The following DMGDH variants were observed in gnomAD, a reference collection of about 807,000 sequenced individuals.
DMGDH encodes dimethylglycine dehydrogenase, also known as dimethylglycine dehydrogenase, mitochondrial.
A neutral mutation model predicts 95.2 loss-of-function variants in DMGDH; 76 were observed. The observed-to-expected ratio is 0.80, with a 90% CI of 0.66 to 0.97. The LOEUF (loss-of-function observed/expected upper bound fraction) is 0.97, where lower values mean the gene tolerates loss of function less well. Among genes scored for constraint, DMGDH ranks in the 50% least tolerant of loss-of-function variants. The pLI is 0.00. For synonymous variants in DMGDH, 345 were observed against 377.6 expected, an observed-to-expected ratio of 0.91 and a Z score of 1.00; for missense variants, 987 against 1,055.0, an observed-to-expected ratio of 0.94 and a Z score of 0.89.
At chr5:79,016,029 G>A (rs187826628) in intron 14 of DMGDH, among the ~76,000 whole-genome samples, 66 of 151,778 alleles carry the variant, frequency 4.3e-4, no homozygotes, top group South Asian at 1.0e-3. Context: ...AGAATATAAG[G>A]CAAGCCCATC....
chr5:79,069,505 C>A lies in DMGDH; in HGVS notation c.101+15G>T. 1 of 1,271,348 alleles carries A rather than the reference C, an allele frequency of 7.9e-7. No individual in the cohort carries two copies. The allele number at this position is 1,271,348 out of a possible 1,614,324, so 78.8% of individuals were successfully genotyped here. On this transcript the variant is annotated intron_variant, in intron 1 of 15. Transcript: ENST00000255189. ...GCCGCCCCGTCGCCTCTGAGCAGGACGGGGCCCCACTCACCCTTCCCGGCC... is the reference window on the plus strand; with the variant it reads ...GCCGCCCCGTCGCCTCTGAGCAGGAAGGGGCCCCACTCACCCTTCCCGGCC...
chr5:79,047,381 C>T (rs561908588), intron 5 of DMGDH, among the ~76,000 whole-genome samples: 1 of 152,256 alleles, frequency 6.6e-6, no homozygotes, highest in African/African-American at 2.4e-5. Context: ...CATGCTTTGA[C>T]GCAGAGTATC....
chr5:79,030,070 C>T (rs763948105), intron 10 of DMGDH, 36 bp from the exon 11 acceptor site: 1 of 1,574,874 alleles, frequency 6.3e-7, no homozygotes, highest in Non-Finnish European at 8.7e-7. Flanking sequence ...TTAGGATGAA[C>T]TAAAAATCAC....
intron 11 of DMGDH, 136 bp downstream of exon 11, chr5:79,029,768 A>G: frequency 1.0e-6 from 1 of 962,108 alleles, no homozygotes; most frequent in Non-Finnish European, 1.5e-6. Flanking sequence ...ATTAAAAAAA[A>G]TAAAGTTTAT....
intron 14 of DMGDH, among the ~76,000 whole-genome samples, chr5:79,018,643 C>CT (rs1753794155): frequency 6.6e-6 from 1 of 151,938 alleles, no homozygotes; most frequent in African/African-American, 2.4e-5. Flanking sequence ...TATCAAATTG[C>CT]TTACTTTAAA....
chr5:79,024,146 G>A (rs1395618900), intron 14 of DMGDH, 125 bp downstream of exon 14: 3 of 833,838 alleles, frequency 3.6e-6, no homozygotes, highest in Non-Finnish European at 6.1e-6. Context: ...AGCAATGCTA[G>A]TATTTATGTT....
chr5:79,068,055 C>A (rs1755431772), intron 1 of DMGDH, among the ~76,000 whole-genome samples: 1 of 152,100 alleles, frequency 6.6e-6, no homozygotes, highest in South Asian at 2.1e-4. Context: ...GCAGCTTGGA[C>A]TACAGGTGCA....
chr5:78,998,147 G>T lies in DMGDH; in HGVS notation c.2536C>A (p.Pro846Thr). The T allele has an allele frequency of 6.2e-7, 1 of 1,614,158 alleles. No homozygotes were observed. The highest frequency in any genetic ancestry group is 1.3e-5 in the African/African-American group (1 of 75,024). Residue 846 changes from proline (P) to threonine (T), a missense_variant, in exon 16 of 16, where the codon CCT becomes ACT. Transcript: ENST00000255189. ...CTGGTTGGTTCGGTCAATACCAAAGGTTCTTGTATGATGACTGCTGGGTAA... is the reference window on the plus strand; with the variant it reads ...CTGGTTGGTTCGGTCAATACCAAAGTTTCTTGTATGATGACTGCTGGGTAA... ...KNYPAVIIQEPLVLTEPTRNR... is the reference protein window; with the variant it reads ...KNYPAVIIQETLVLTEPTRNR...
chr5:79,028,314 G>A lies in DMGDH; in HGVS notation c.2032+119C>T, dbSNP rs557404578. 24 of 848,924 alleles carry A rather than the reference G, an allele frequency of 2.8e-5. No individual in the cohort carries two copies. The South Asian group carries it at 3.6e-4, about 13-fold the overall frequency. 52.6% of individuals were successfully genotyped at this position (848,924 alleles called of 1,614,324 possible). On this transcript the variant is annotated intron_variant, in intron 12 of 15. Coordinates refer to ENST00000255189, the MANE Select transcript of DMGDH (RefSeq NM_013391.3). The stretch of plus-strand genomic sequence containing the variant: ...CGCATGGACAAAAGTGAGTGTGAGT[G>A]TGCACATGCATACACACTCACACAT...
chr5:79,053,328 T>TTG (rs776043949), intron 4 of DMGDH, among the ~76,000 whole-genome samples: 1 of 151,372 alleles, frequency 6.6e-6, no homozygotes, highest in African/African-American at 2.4e-5. Flanking sequence ...TCAGTTAATT[T>TTG]TGTGTGTGTG....
At chr5:79,032,459 C>T (rs1754205485) in intron 9 of DMGDH, among the ~76,000 whole-genome samples, 2 of 152,160 alleles carry the variant, frequency 1.3e-5, no homozygotes, top group Admixed American at 1.3e-4. Flanking sequence ...GAGGCTTCAC[C>T]AAGGCTGGCT....
intron 7 of DMGDH, 120 bp downstream of exon 7, chr5:79,042,163 T>A (rs1754527189): frequency 1.1e-5 from 11 of 965,372 alleles, no homozygotes; most frequent in Non-Finnish European, 1.8e-5. Flanking sequence ...TCTCTCTCTG[T>A]TTCTCTTTCT....
At chr5:79,044,221 C>T in intron 6 of DMGDH, 83 bp downstream of exon 6, 1 of 1,596,438 alleles carries the variant, frequency 6.3e-7, no homozygotes, top group Non-Finnish European at 8.6e-7. Flanking sequence ...ATGTTGTTGT[C>T]TTATTCTACA....
intron 14 of DMGDH, among the ~76,000 whole-genome samples, chr5:79,017,484 A>G (rs1207688261): frequency 6.6e-6 from 1 of 152,216 alleles, no homozygotes; most frequent in Admixed American, 6.5e-5. Context: ...TAGAATAGCT[A>G]AAGTTAAAAA....
At chr5:79,003,968 A>AAATAAATAAATAAATAAATAT (rs1214230307) in intron 15 of DMGDH, among the ~76,000 whole-genome samples, 29 of 152,030 alleles carry the variant, frequency 1.9e-4, no homozygotes, top group African/African-American at 6.8e-4. Flanking sequence ...ATAAATAAAT[A>AAATAAATAAATAAATAAATAT]AAAATAAAAT....
At chr5:79,058,247 T>G (rs1381849931) in intron 2 of DMGDH, among the ~76,000 whole-genome samples, 2 of 152,216 alleles carry the variant, frequency 1.3e-5, no homozygotes, top group African/African-American at 4.8e-5. Context: ...ACCCTTTCTT[T>G]TATATATTGG....
At chr5:78,998,660 G>A (rs189960390) in intron 15 of DMGDH, among the ~76,000 whole-genome samples, 1 of 152,208 alleles carries the variant, frequency 6.6e-6, no homozygotes, top group Non-Finnish European at 1.5e-5. Flanking sequence ...GAACAGCCTG[G>A]CCAAAATGGT....
intron 14 of DMGDH, among the ~76,000 whole-genome samples, chr5:79,006,905 T>C (rs1328825387): frequency 1.3e-5 from 2 of 151,702 alleles, no homozygotes; most frequent in African/African-American, 2.4e-5. Context: ...CAATGAAATA[T>C]GATTTCTATG....
At chr5:79,030,310 C>A (rs16876358) in intron 10 of DMGDH, among the ~76,000 whole-genome samples, 3,336 of 152,184 alleles carry the variant, frequency 0.022, 113 homozygotes, top group African/African-American at 0.075. Context: ...TAAGCAAAGT[C>A]ATAAGGTCCT....
Sources: allele counts gnomAD v4.1 joint callset (sites outside exome capture counted in the v4.1 genomes callset), GRCh38; gene constraint gnomAD v4.1.1; transcripts MANE v1.5; gene names NCBI Gene and HGNC (gene_info 2026-07-23, HGNC 2026-07-21).